PARD3B: variants seen among roughly 807,000 people sequenced by gnomAD.
PARD3B encodes the protein partitioning defective 3 homolog B.
Under a neutral mutation model 130.2 loss-of-function variants are expected in PARD3B, and 103 were observed. That is an observed-to-expected ratio of 0.79 (90% CI 0.67 to 0.93). PARD3B has a LOEUF of 0.93. Ranked by LOEUF, PARD3B falls within the 40% of genes least tolerant of loss-of-function variation. The pLI, the probability that PARD3B is intolerant of heterozygous loss-of-function variation, is 0.00. For synonymous variants in PARD3B, 583 were observed against 553.2 expected (o/e 1.05, Z -0.76); for missense variants, 1,609 against 1,499.2 (o/e 1.07, Z -1.21).
chr2:205,448,636 A>G (rs1374246184), intron 20 of PARD3B, among the ~76,000 whole-genome samples: 1 of 152,196 alleles, frequency 6.6e-6, no homozygotes, highest in African/African-American at 2.4e-5. Context: ...ATATTTAATC[A>G]TTGTGGGCTC....
At chr2:205,192,156 C>T (rs2036433154) in intron 14 of PARD3B, among the ~76,000 whole-genome samples, 1 of 152,114 alleles carries the variant, frequency 6.6e-6, no homozygotes, top group African/African-American at 2.4e-5. Flanking sequence ...TGATGAGTTT[C>T]AAGAAAAGAT....
At chr2:204,731,612 G>T (rs1031568540) in intron 2 of PARD3B, among the ~76,000 whole-genome samples, 1 of 152,178 alleles carries the variant, frequency 6.6e-6, no homozygotes, top group African/African-American at 2.4e-5. Flanking sequence ...AGAGAACTAT[G>T]CTGGGAAGGA....
At chr2:204,808,140 G>C (rs565606792) in intron 2 of PARD3B, among the ~76,000 whole-genome samples, 1 of 151,748 alleles carries the variant, frequency 6.6e-6, no homozygotes, top group Non-Finnish European at 1.5e-5. Context: ...GATTATATTC[G>C]ATATTTCTAC....
chr2:205,431,493 AG>A (rs2047332397), intron 19 of PARD3B, among the ~76,000 whole-genome samples: 1 of 151,632 alleles, frequency 6.6e-6, no homozygotes, highest in Admixed American at 6.6e-5. Context: ...TTTTTGAGAC[AG>A]AGTCTTGCAC....
At chr2:205,311,121 A>T (rs1291477931) in intron 18 of PARD3B, among the ~76,000 whole-genome samples, 1 of 152,198 alleles carries the variant, frequency 6.6e-6, no homozygotes, top group East Asian at 1.9e-4. Context: ...TGTTGTGAAT[A>T]GCGCTGCAAT....
At position 204,545,770 on chromosome 2, in the gene PARD3B, C is replaced by T; in HGVS notation, c.-230C>T. 4.8e-6 allele frequency: 2 copies of T among 421,012 alleles called. No homozygotes were observed. Among genetic ancestry groups the T allele is most frequent in the Non-Finnish European group, 8.3e-6 (2 of 241,286 alleles). The allele number at this position is 421,012 out of a possible 1,614,324, so 26.1% of individuals were successfully genotyped here. On this transcript the variant is annotated 5_prime_UTR_variant, in exon 1 of 23. Transcript: ENST00000406610. ...AGCTGCCGCGTCCCGGGCCGCCGGG[C>T]ACCTGGGAGGTAACCCCTTTCCGCG...
At chr2:205,138,949 AC>A (rs1268631639) in intron 10 of PARD3B, among the ~76,000 whole-genome samples, 1 of 152,158 alleles carries the variant, frequency 6.6e-6, no homozygotes, top group Non-Finnish European at 1.5e-5. Context: ...TACTGATGCC[AC>A]CACTGCTGTG....
intron 21 of PARD3B, among the ~76,000 whole-genome samples, chr2:205,517,680 T>C (rs903591700): frequency 6.6e-6 from 1 of 152,180 alleles, no homozygotes; most frequent in Non-Finnish European, 1.5e-5. Flanking sequence ...TTTGTTAGTT[T>C]GTTAATTTGA....
At chr2:205,055,296 C>A (rs1699563573) in intron 4 of PARD3B, among the ~76,000 whole-genome samples, 1 of 152,090 alleles carries the variant, frequency 6.6e-6, no homozygotes, top group East Asian at 1.9e-4. Context: ...CTAAATTTTC[C>A]TCCTAGTCCA....
chr2:205,004,875 C>G (rs1281827057), intron 3 of PARD3B, among the ~76,000 whole-genome samples: 1 of 152,138 alleles, frequency 6.6e-6, no homozygotes, highest in African/African-American at 2.4e-5. Flanking sequence ...TTCAATCTCT[C>G]CCCCTCAGTA....
At chr2:204,762,301 A>C (rs930685899) in intron 2 of PARD3B, among the ~76,000 whole-genome samples, 2 of 151,344 alleles carry the variant, frequency 1.3e-5, no homozygotes, top group African/African-American at 4.9e-5. Context: ...TTTTGTAGAG[A>C]TGGGGTTTCA....
chr2:205,449,082 C>G (rs1356967367), intron 20 of PARD3B, among the ~76,000 whole-genome samples: 1 of 147,396 alleles, frequency 6.8e-6, no homozygotes, highest in South Asian at 2.2e-4. Context: ...AGGAGAATCA[C>G]TTGAACCCGG....
chr2:204,583,622 TA>T (rs1183973275), intron 1 of PARD3B, among the ~76,000 whole-genome samples: 19,777 of 70,786 alleles, frequency 0.28, 1,433 homozygotes, highest in South Asian at 0.32. Context: ...ACTTAAAGTA[TA>T]AAAAAAAAAA....
chr2:204,587,362 A>G (rs912320904), intron 1 of PARD3B, among the ~76,000 whole-genome samples: 1 of 152,126 alleles, frequency 6.6e-6, no homozygotes, highest in African/African-American at 2.4e-5. Flanking sequence ...TCAATTTTCT[A>G]TTTCCCATCT....
chr2:205,490,717 C>G (rs1286392719), intron 20 of PARD3B, among the ~76,000 whole-genome samples: 2 of 152,200 alleles, frequency 1.3e-5, no homozygotes, highest in Non-Finnish European at 2.9e-5. Context: ...AACTAGTTTA[C>G]AGTCCCACCA....
intron 19 of PARD3B, among the ~76,000 whole-genome samples, chr2:205,427,498 C>A (rs995372967): frequency 2.0e-5 from 3 of 152,132 alleles, no homozygotes; most frequent in Non-Finnish European, 4.4e-5. Flanking sequence ...ATGGAATGTT[C>A]TTCTGTCTAT....
In PARD3B at chr2:205,207,570, T is replaced by A. The variant is rs1026939004; in HGVS notation, c.2140+14250T>A. The stretch of plus-strand genomic sequence containing the variant: ...GATCCCACAGAAATACAAACTACCA[T>A]CAGAGAATACTACAAACACCTCTAC... On this transcript the variant is annotated intron_variant, in intron 15 of 22. Transcript: ENST00000406610. 1.7e-4 allele frequency among the ~76,000 whole-genome samples: 24 copies of A among 141,544 alleles called. 1 individual carries two copies. Among genetic ancestry groups the A allele is most frequent in the African/African-American group, 6.7e-4 (24 of 36,028 alleles). The allele number at this position is 141,544 out of a possible 152,430, so 92.9% of individuals were successfully genotyped here.
chr2:205,322,889 C>CCTTTTTTTTTTTT (rs2042799928), intron 18 of PARD3B, among the ~76,000 whole-genome samples: 1 of 51,460 alleles, frequency 1.9e-5, no homozygotes, highest in Non-Finnish European at 3.8e-5. Context: ...ATTAACACCT[C>CCTTTTTTTTTTTT]TTTTTTTTTT....
intron 2 of PARD3B, among the ~76,000 whole-genome samples, chr2:204,766,915 G>A (rs2041178288): frequency 6.7e-6 from 1 of 149,202 alleles, no homozygotes; most frequent in African/African-American, 2.4e-5. Context: ...TCTGTAGGAA[G>A]GTCTGGACTG....
Sources: gnomAD v4.1 joint callset for allele counts (sites outside exome capture counted in the v4.1 genomes callset) on GRCh38, gnomAD v4.1.1 for gene constraint, MANE v1.5 for transcripts, NCBI Gene and HGNC (gene_info 2026-07-23, HGNC 2026-07-21) for gene names.